The following SGPP2 variants were observed in gnomAD, a reference collection of about 807,000 sequenced individuals.
SGPP2 encodes sphingosine-1-phosphate phosphatase 2.
Under a neutral mutation model 33.9 loss-of-function variants are expected in SGPP2, and 30 were observed. The observed-to-expected ratio is 0.89, with a 90% CI of 0.66 to 1.20. The LOEUF is 1.20. Ranked by LOEUF, SGPP2 falls within the 50% of genes most tolerant of loss-of-function variation. The pLI is 0.00. For synonymous variants in SGPP2, 233 were observed against 225.0 expected (o/e 1.04, Z -0.32); for missense variants, 458 against 532.1 (o/e 0.86, Z 1.37).
chr2:222,544,867 G>A (rs1689157743), intron 4 of SGPP2, among the ~76,000 whole-genome samples: 1 of 152,138 alleles, frequency 6.6e-6, no homozygotes, highest in Non-Finnish European at 1.5e-5. Context: ...CGTGTATGGG[G>A]TGTTAGTTAT....
At position 222,558,786 on chromosome 2, in the gene SGPP2, C is replaced by T. The variant is rs1420420235; in HGVS notation, c.1088C>T (p.Ala363Val). ...AAGGTGGTCACCAGGAACAAGGAGG[C>T]CAGGCGGAGACTGGAGATTGAAGTG... ...WFKVVTRNKEARRRLEIEVPY... is the reference protein window; with the variant it reads ...WFKVVTRNKEVRRRLEIEVPY... Residue 363 changes from alanine (A) to valine (V), a missense_variant, in exon 5 of 5, where the codon GCC (alanine) becomes GTC (valine). Coordinates refer to ENST00000321276, the MANE Select transcript of SGPP2 (RefSeq NM_152386.4). 1.2e-6 allele frequency: 2 copies of T among 1,614,108 alleles called. No homozygotes were observed. Among genetic ancestry groups the T allele is most frequent in the African/African-American group, 1.3e-5 (1 of 75,004 alleles).
intron 4 of SGPP2, among the ~76,000 whole-genome samples, chr2:222,540,034 T>C (rs1207747854): frequency 6.6e-6 from 1 of 152,216 alleles, no homozygotes; most frequent in Non-Finnish European, 1.5e-5. Flanking sequence ...CACAAATATT[T>C]CTAGTTCAGT....
chr2:222,495,907 T>C (rs967355368), intron 2 of SGPP2, among the ~76,000 whole-genome samples: 7 of 152,144 alleles, frequency 4.6e-5, no homozygotes, highest in Admixed American at 3.3e-4. Context: ...GACGTCAGGG[T>C]ACACATGGTT....
intron 4 of SGPP2, among the ~76,000 whole-genome samples, chr2:222,548,419 C>T (rs190630518): frequency 2.0e-5 from 3 of 152,234 alleles, no homozygotes; most frequent in East Asian, 3.9e-4. Context: ...TTTTTTCTAC[C>T]TCATGTAGTT....
At chr2:222,481,062 A>AG (rs1322827882) in intron 2 of SGPP2, among the ~76,000 whole-genome samples, 2 of 152,080 alleles carry the variant, frequency 1.3e-5, no homozygotes, top group Non-Finnish European at 2.9e-5. Context: ...CAGACACGTG[A>AG]GGGGGAACAA....
chr2:222,424,931 G>T (rs1697038576), intron 1 of SGPP2, 110 bp downstream of exon 1: 1 of 898,002 alleles, frequency 1.1e-6, no homozygotes, highest in Non-Finnish European at 1.5e-6. Context: ...CGCCGTCCCC[G>T]GCAGTGACCC....
At chr2:222,449,031 C>T (rs1445389457) in intron 1 of SGPP2, among the ~76,000 whole-genome samples, 3 of 152,190 alleles carry the variant, frequency 2.0e-5, no homozygotes, top group Non-Finnish European at 2.9e-5. Context: ...GTGAAGGTTG[C>T]TCAACATTAG....
intron 1 of SGPP2, among the ~76,000 whole-genome samples, chr2:222,453,923 C>T (rs1258142116): frequency 6.6e-6 from 1 of 152,186 alleles, no homozygotes; most frequent in Admixed American, 6.5e-5. Context: ...GATTAACTCA[C>T]TTGTCCAGGG....
rs1689449930 is a variant in SGPP2, at chr2:222,558,225, TA to T, written c.649-118del. On this transcript the variant is annotated intron_variant, in intron 4 of 4. Transcript: ENST00000321276. ...TTACACTTTCTTTGAACATGTACTG[TA>T]AAATAAAACAATGCAAAAATTGTGT... is the stretch of plus-strand genomic sequence containing the variant. 7.1e-6 allele frequency: 8 copies of T among 1,129,838 alleles called. No individual in the cohort carries two copies. The South Asian group carries it at 8.0e-5, about 11-fold the overall frequency. The allele number at this position is 1,129,838 out of a possible 1,614,324, so 70.0% of individuals were successfully genotyped here.
At position 222,443,537 on chromosome 2, in the gene SGPP2, G is replaced by A. The variant is rs1441850065; in HGVS notation, c.219+18716G>A. ...AAAGGATTTATGAGGGGCTACCGTA[G>A]AGAAAAGGAATAATGACAATTTTCT... On this transcript the variant is annotated intron_variant, in intron 1 of 4. Transcript: ENST00000321276. 3.3e-5 allele frequency among the ~76,000 whole-genome samples: 5 copies of A among 152,322 alleles called. No individual in the cohort carries two copies. The East Asian group carries it at 9.6e-4, about 29-fold the overall frequency.
intron 1 of SGPP2, among the ~76,000 whole-genome samples, chr2:222,435,823 G>A (rs1574829280): frequency 6.6e-6 from 1 of 152,222 alleles, no homozygotes; most frequent in Non-Finnish European, 1.5e-5. Flanking sequence ...TGGTCATGTG[G>A]TCGTAGCTGG....
intron 1 of SGPP2, among the ~76,000 whole-genome samples, chr2:222,440,069 G>T (rs140188480): frequency 6.6e-6 from 1 of 152,136 alleles, no homozygotes; most frequent in Non-Finnish European, 1.5e-5. Flanking sequence ...ATAAAAACTG[G>T]TTCTGCCATT....
At chr2:222,461,492 TTATTTC>T (rs1394836844) in intron 1 of SGPP2, among the ~76,000 whole-genome samples, 81 of 152,214 alleles carry the variant, frequency 5.3e-4, no homozygotes, top group African/African-American at 1.9e-3. Context: ...ATTGTGCACT[TTATTTC>T]TATTATTATT....
chr2:222,503,398 C>T (rs1263008955), intron 2 of SGPP2, among the ~76,000 whole-genome samples: 3 of 152,090 alleles, frequency 2.0e-5, no homozygotes, highest in South Asian at 4.1e-4. Flanking sequence ...GTGTTAAGAG[C>T]GTAGATTTAT....
At chr2:222,452,122 A>T (rs1436930975) in intron 1 of SGPP2, among the ~76,000 whole-genome samples, 1 of 152,068 alleles carries the variant, frequency 6.6e-6, no homozygotes, top group African/African-American at 2.4e-5. Flanking sequence ...AGATCTACTT[A>T]TCTATAGCCA....
Position 222,442,957 on chromosome 2 carries a change from A to G in SGPP2, c.219+18136A>G, listed in dbSNP as rs570617913. ...AACAAACCTGAAATCAGAACGATCAAATATTGAATCATGACATTATAGTAA... is the reference window on the plus strand; with the variant it reads ...AACAAACCTGAAATCAGAACGATCAGATATTGAATCATGACATTATAGTAA... On this transcript the variant is annotated intron_variant, in intron 1 of 4. Coordinates refer to ENST00000321276, the MANE Select transcript of SGPP2 (RefSeq NM_152386.4). Among the ~76,000 whole-genome samples, 3 of 152,348 alleles carry G rather than the reference A, an allele frequency of 2.0e-5. No individual in the cohort carries two copies. In the South Asian group the frequency reaches 6.2e-4, roughly 32 times the overall value.
intron 4 of SGPP2, among the ~76,000 whole-genome samples, chr2:222,538,112 G>A (rs1698940474): frequency 6.6e-6 from 1 of 152,152 alleles, no homozygotes; most frequent in African/African-American, 2.4e-5. Flanking sequence ...CTCTGGGAAA[G>A]GCAAAGGCAT....
chr2:222,435,051 CACACATATACACATAT>C, intron 1 of SGPP2, among the ~76,000 whole-genome samples: 1 of 136,808 alleles, frequency 7.3e-6, no homozygotes, highest in South Asian at 2.4e-4. Flanking sequence ...TATATATATA[CACACATATACACATAT>C]ACATATATAT....
chr2:222,522,888 G>A (rs1028529196), intron 3 of SGPP2, among the ~76,000 whole-genome samples: 2 of 152,140 alleles, frequency 1.3e-5, no homozygotes, highest in African/African-American at 4.8e-5. Context: ...TTGCTGTGTT[G>A]CCCAGGCTGG....
Sources: gnomAD v4.1 joint callset for allele counts (sites outside exome capture counted in the v4.1 genomes callset) on GRCh38, gnomAD v4.1.1 for gene constraint, MANE v1.5 for transcripts, NCBI Gene and HGNC (gene_info 2026-07-23, HGNC 2026-07-21) for gene names.